Variants in HS6ST3 observed in about 807,000 individuals in gnomAD.
HS6ST3 encodes heparan sulfate 6-O-sulfotransferase 3.
A neutral mutation model predicts 36.7 loss-of-function variants in HS6ST3; 12 were observed. The ratio of observed to expected loss-of-function variants is 0.33; its 90% CI spans 0.21 to 0.53. The LOEUF (loss-of-function observed/expected upper bound fraction) is 0.53, where lower values mean the gene tolerates loss of function less well. Among genes scored for constraint, HS6ST3 ranks in the 20% least tolerant of loss-of-function variants. The probability of loss-of-function intolerance (pLI) is 0.95; values close to 1 mark genes in which losing one functional copy is unlikely to be tolerated. For synonymous variants in HS6ST3, 240 were observed against 257.5 expected (o/e 0.93, Z 0.65); for missense variants, 584 against 640.9 (o/e 0.91, Z 0.96).
intron 1 of HS6ST3, among the ~76,000 whole-genome samples, chr13:96,243,294 G>A (rs1227959871): frequency 2.0e-5 from 3 of 152,158 alleles, no homozygotes; most frequent in Admixed American, 2.0e-4. Flanking sequence ...ATTTTCATTT[G>A]CTAGTTGTTT....
At chr13:96,330,588 C>T (rs1337968390) in intron 1 of HS6ST3, among the ~76,000 whole-genome samples, 26 of 151,396 alleles carry the variant, frequency 1.7e-4, no homozygotes, top group African/African-American at 4.4e-4. Flanking sequence ...GAGGGTAACC[C>T]GACCTTTCTC....
intron 1 of HS6ST3, among the ~76,000 whole-genome samples, chr13:96,204,187 AG>A (rs2054357440): frequency 6.6e-6 from 1 of 152,184 alleles, no homozygotes; most frequent in Non-Finnish European, 1.5e-5. Flanking sequence ...ATCATAGAAA[AG>A]CAGGGGTTGC....
intron 1 of HS6ST3, among the ~76,000 whole-genome samples, chr13:96,756,698 C>T (rs1302620851): frequency 2.0e-5 from 3 of 152,046 alleles, no homozygotes; most frequent in African/African-American, 7.2e-5. Context: ...GGAAGGTTTC[C>T]ATACATTTGG....
chr13:96,147,777 AAATGAATGAATG>A (rs373348066), intron 1 of HS6ST3, among the ~76,000 whole-genome samples: 78 of 152,154 alleles, frequency 5.1e-4, no homozygotes, highest in African/African-American at 1.8e-3. Context: ...ACAATTTGGA[AAATGAATGAATG>A]AATGAATGAA....
chr13:96,254,572 T>TG lies in HS6ST3; in HGVS notation c.707+163004dup, dbSNP rs542162346. On this transcript the variant is annotated intron_variant, in intron 1 of 1. Transcript: ENST00000376705. The stretch of plus-strand genomic sequence containing the variant: ...GACATCCCTGCTTATCAGTGCCTGG[T>TG]GATCCATCTTATTTCCCAAAAGCCT... Among the ~76,000 whole-genome samples the TG allele has an allele frequency of 4.6e-4, 66 of 144,410 alleles. No homozygotes were observed. The East Asian group carries it at 0.013, about 29-fold the overall frequency. 94.7% of individuals were successfully genotyped at this position (144,410 alleles called of 152,430 possible). A position where few individuals can be genotyped will look rare whatever the true frequency, so the allele number is the denominator to read the frequency against.
Position 96,780,262 on chromosome 13 carries a change from T to TGTTATGCCAA in HS6ST3, c.708-52225_708-52216dup, listed in dbSNP as rs575861448. ...AGAAAGCAGTAGTAAGCACTTTTGGTGTTATGCCAAGTGTTTGCGTCAGCT... is the reference window on the plus strand; with the variant it reads ...AGAAAGCAGTAGTAAGCACTTTTGGTGTTATGCCAAGTTATGCCAAGTGTTTGCGTCAGCT... On this transcript the variant is annotated intron_variant, in intron 1 of 1. Coordinates refer to ENST00000376705, the MANE Select transcript of HS6ST3 (RefSeq NM_153456.4). Among the ~76,000 whole-genome samples, 9 of 152,298 alleles carry TGTTATGCCAA rather than the reference T, an allele frequency of 5.9e-5. No homozygotes were observed. In the South Asian group the frequency reaches 1.7e-3, roughly 28 times the overall value.
intron 1 of HS6ST3, among the ~76,000 whole-genome samples, chr13:96,641,766 CA>C (rs2056571057): frequency 6.6e-6 from 1 of 151,682 alleles, no homozygotes; most frequent in Non-Finnish European, 1.5e-5. Flanking sequence ...CACTAGTATG[CA>C]AATATTTGTT....
intron 1 of HS6ST3, among the ~76,000 whole-genome samples, chr13:96,474,100 C>T (rs2055851883): frequency 7.4e-6 from 1 of 135,726 alleles, no homozygotes; most frequent in Non-Finnish European, 1.5e-5. Flanking sequence ...GAAAATGGCC[C>T]ATTTTTGCTT....
chr13:96,656,955 T>G (rs868855136), intron 1 of HS6ST3, among the ~76,000 whole-genome samples: 10 of 122,312 alleles, frequency 8.2e-5, no homozygotes, highest in South Asian at 5.8e-4. Context: ...GGCTTTTCTT[T>G]TGTGTGTGTG....
At chr13:96,141,956 C>T (rs1271893192) in intron 1 of HS6ST3, among the ~76,000 whole-genome samples, 2 of 146,668 alleles carry the variant, frequency 1.4e-5, no homozygotes, top group Non-Finnish European at 3.0e-5. Context: ...TGAAGAAAAC[C>T]GTGTCCAGAT....
chr13:96,346,472 G>A (rs2139428711), intron 1 of HS6ST3, among the ~76,000 whole-genome samples: 1 of 152,076 alleles, frequency 6.6e-6, no homozygotes, highest in East Asian at 1.9e-4. Flanking sequence ...TACATTGGGA[G>A]GCTGAGGCAG....
chr13:96,752,988 C>T (rs934672409), intron 1 of HS6ST3, among the ~76,000 whole-genome samples: 3 of 152,112 alleles, frequency 2.0e-5, no homozygotes, highest in Admixed American at 6.6e-5. Context: ...CCCCACATAT[C>T]GCTGAACAGT....
chr13:96,427,547 TTATGA>T (rs1386981474), intron 1 of HS6ST3, among the ~76,000 whole-genome samples: 4 of 151,778 alleles, frequency 2.6e-5, no homozygotes, highest in African/African-American at 9.7e-5. Context: ...ATTATTTATA[TTATGA>T]TATATTATTT....
At position 96,736,642 on chromosome 13, in the gene HS6ST3, A is replaced by G. The variant is rs1290174289; in HGVS notation, c.708-95848A>G. On this transcript the variant is annotated intron_variant, in intron 1 of 1. Coordinates refer to ENST00000376705, the MANE Select transcript of HS6ST3 (RefSeq NM_153456.4). Reference sequence around the variant, plus strand: ...TATATGGATACAGATAGATATAGATATATCAGACTCTTTACCCCCAAGAGA... The same window carrying G: ...TATATGGATACAGATAGATATAGATGTATCAGACTCTTTACCCCCAAGAGA... 2.0e-5 allele frequency among the ~76,000 whole-genome samples: 3 copies of G among 152,232 alleles called. No homozygotes were observed. The East Asian group carries it at 5.8e-4, about 29-fold the overall frequency.
chr13:96,336,186 A>G (rs1187441276), intron 1 of HS6ST3, among the ~76,000 whole-genome samples: 1 of 152,198 alleles, frequency 6.6e-6, no homozygotes, highest in East Asian at 1.9e-4. Flanking sequence ...AAGGACAACT[A>G]GTTCTATAAG....
intron 1 of HS6ST3, among the ~76,000 whole-genome samples, chr13:96,516,190 T>C (rs1396280802): frequency 6.6e-6 from 1 of 151,800 alleles, no homozygotes; most frequent in African/African-American, 2.4e-5. Context: ...GCCTCCTGAG[T>C]ACCTGGGACT....
intron 1 of HS6ST3, among the ~76,000 whole-genome samples, chr13:96,181,824 C>A (rs1053860544): frequency 2.0e-5 from 3 of 152,138 alleles, no homozygotes; most frequent in African/African-American, 7.2e-5. Context: ...AATTTATATC[C>A]GCACCTCTGT....
At chr13:96,339,947 A>T (rs576501834) in intron 1 of HS6ST3, among the ~76,000 whole-genome samples, 1 of 152,234 alleles carries the variant, frequency 6.6e-6, no homozygotes, top group African/African-American at 2.4e-5. Flanking sequence ...GCTGATGAAG[A>T]GTTAACCTTC....
At chr13:96,732,975 A>G (rs1876198442) in intron 1 of HS6ST3, among the ~76,000 whole-genome samples, 1 of 152,140 alleles carries the variant, frequency 6.6e-6, no homozygotes, top group South Asian at 2.1e-4. Flanking sequence ...TTAATTTTGT[A>G]TGTTGATTTT....
Sources: gnomAD v4.1 joint callset for allele counts (sites outside exome capture counted in the v4.1 genomes callset) on GRCh38, gnomAD v4.1.1 for gene constraint, MANE v1.5 for transcripts, NCBI Gene and HGNC (gene_info 2026-07-23, HGNC 2026-07-21) for gene names.